The following ANKRD12 variants were observed in gnomAD, a reference collection of about 807,000 sequenced individuals.
The protein encoded by ANKRD12 is ankyrin repeat domain 12, also known as ankyrin repeat domain-containing protein 12.
A neutral mutation model predicts 183.4 loss-of-function variants in ANKRD12; 85 were observed. The ratio of observed to expected loss-of-function variants is 0.46; its 90% confidence interval spans 0.39 to 0.56. ANKRD12 has a LOEUF of 0.56. ANKRD12 is among the 20% of genes least tolerant of loss of function. The pLI is 0.00. For missense variants in ANKRD12, 2,405 were observed against 2,357.1 expected, an observed-to-expected ratio of 1.02 and a Z score of -0.42; for synonymous variants, 914 against 800.2, an observed-to-expected ratio of 1.14 and a Z score of -2.40.
At position 9,255,253 on chromosome 18, in the gene ANKRD12, A is replaced by G. The variant is rs2038534703; in HGVS notation, c.1986A>G (p.Lys662=). 2 of 1,570,020 alleles carry G rather than the reference A, an allele frequency of 1.3e-6. No homozygotes were observed. The highest frequency in any genetic ancestry group is 1.7e-6 in the Non-Finnish European group (2 of 1,167,100). The change falls in exon 9 of 13, where the codon AAA becomes AAG. Residue 662 remains lysine (K), a synonymous_variant. Transcript: ENST00000262126. ...AATTGAAGCATAAAGAGAGGGAAAAAGAAAAGCATAAAAAAGAAATTGAAG... is the reference window on the plus strand; with the variant it reads ...AATTGAAGCATAAAGAGAGGGAAAAGGAAAAGCATAAAAAAGAAATTGAAG... ...KHKLKHKERE[K]EKHKKEIEGE...
At chr18:9,206,994 A>G (rs899563590) in intron 4 of ANKRD12, among the ~76,000 whole-genome samples, 1 of 151,952 alleles carries the variant, frequency 6.6e-6, no homozygotes, top group Non-Finnish European at 1.5e-5. Context: ...CATCTTTTCT[A>G]TTTTCTATAA....
At chr18:9,207,229 A>G (rs2035538856) in intron 4 of ANKRD12, among the ~76,000 whole-genome samples, 1 of 152,118 alleles carries the variant, frequency 6.6e-6, no homozygotes, top group African/African-American at 2.4e-5. Flanking sequence ...ATGCAGCGTA[A>G]GTTAGGAAAA....
Position 9,238,844 on chromosome 18 carries a change from G to A in ANKRD12, c.944-15367G>A, listed in dbSNP as rs372627144. Among the ~76,000 whole-genome samples, 118 of 152,278 alleles carry A rather than the reference G, an allele frequency of 7.7e-4. 1 individual carries two copies. The highest frequency in any genetic ancestry group is 2.8e-3 in the African/African-American group (116 of 41,556). On this transcript the variant is annotated intron_variant, in intron 8 of 12. Coordinates refer to ENST00000262126, the MANE Select transcript of ANKRD12 (RefSeq NM_015208.5). ...AGAAAGAGAGTAATATTTTAAGGCT[G>A]GGTGCAGTGGCTCACGCCTGTAATC...
intron 1 of ANKRD12, among the ~76,000 whole-genome samples, chr18:9,146,285 TG>T (rs2078490603): frequency 6.6e-6 from 1 of 152,214 alleles, no homozygotes; most frequent in African/African-American, 2.4e-5. Context: ...AAACCAAGCC[TG>T]GCACAGTGGC....
chr18:9,265,131 C>T (rs1211069782), intron 10 of ANKRD12, among the ~76,000 whole-genome samples: 1 of 152,256 alleles, frequency 6.6e-6, no homozygotes, highest in East Asian at 1.9e-4. Context: ...GGCCAGGAAG[C>T]TCGAAGTGGG....
At position 9,257,432 on chromosome 18, in the gene ANKRD12, A is replaced by G. The variant is rs146120223; in HGVS notation, c.4165A>G (p.Ile1389Val). 9.3e-6 allele frequency: 15 copies of G among 1,613,994 alleles called. No individual in the cohort carries two copies. In the African/African-American group the frequency reaches 1.6e-4, roughly 17 times the overall value. The change falls in exon 9 of 13, where the codon ATC becomes GTC. Residue 1389 changes from isoleucine (I) to valine (V), a missense_variant. Coordinates refer to ENST00000262126, the MANE Select transcript of ANKRD12 (RefSeq NM_015208.5). ...GTATGTTTCAGCTGATAGAAATCTC[A>G]TCAAGAATACTGCCCCAGTGAACAC... is the stretch of plus-strand genomic sequence containing the variant. ...SKYVSADRNL[I>V]KNTAPVNTVM...
chr18:9,181,233 T>A (rs548232904), intron 1 of ANKRD12, among the ~76,000 whole-genome samples: 95 of 152,328 alleles, frequency 6.2e-4, no homozygotes, highest in African/African-American at 2.2e-3. Context: ...TATTTCCAGA[T>A]TAATATGGTT....
At chr18:9,171,676 G>C (rs2032741834) in intron 1 of ANKRD12, among the ~76,000 whole-genome samples, 1 of 152,026 alleles carries the variant, frequency 6.6e-6, no homozygotes, top group South Asian at 2.1e-4. Flanking sequence ...TTTCTCCTTT[G>C]CTTATTAAGC....
Position 9,255,587 on chromosome 18 carries a change from A to G in ANKRD12, c.2320A>G (p.Arg774Gly), listed in dbSNP as rs1487593395. The change falls in exon 9 of 13, where the codon AGA (arginine) becomes GGA (glycine). Residue 774 changes from arginine (R) to glycine (G), a missense_variant. By Grantham distance (125) the Arg-to-Gly change is moderately radical. Around this residue, in one of 7 missense-constraint regions of ANKRD12, gnomAD observed 1,983 missense variants for 1,725.9 expected, o/e 1.15. Coordinates refer to ENST00000262126, the MANE Select transcript of ANKRD12 (RefSeq NM_015208.5). ...EEKIKDLKEERENIPTDKDSE... is the reference protein window; with the variant it reads ...EEKIKDLKEEGENIPTDKDSE... ...AAAAATAAAAGATCTAAAAGAAGAG[A>G]GAGAAAACATACCCACAGATAAAGA... is the stretch of plus-strand genomic sequence containing the variant. 3 of 1,568,798 alleles carry G rather than the reference A, an allele frequency of 1.9e-6. No individual in the cohort carries two copies. Among genetic ancestry groups the G allele is most frequent in the Non-Finnish European group, 2.6e-6 (3 of 1,168,160 alleles).
At chr18:9,188,417 A>G (rs2034244919) in intron 2 of ANKRD12, among the ~76,000 whole-genome samples, 1 of 152,222 alleles carries the variant, frequency 6.6e-6, no homozygotes. Context: ...ATACCCATGA[A>G]AAGATAGTCC....
At chr18:9,181,059 C>T (rs191404051) in intron 1 of ANKRD12, among the ~76,000 whole-genome samples, 371 of 152,228 alleles carry the variant, frequency 2.4e-3, no homozygotes, top group Non-Finnish European at 4.5e-3. Context: ...ATTGTTTATA[C>T]GTTAATGAAA....
chr18:9,215,284 G>T (rs967375581), intron 6 of ANKRD12, among the ~76,000 whole-genome samples: 6 of 152,162 alleles, frequency 3.9e-5, no homozygotes, highest in African/African-American at 1.4e-4. Flanking sequence ...TGTAAATACA[G>T]TTGGGTTTAT....
At chr18:9,193,475 TC>T (rs1176094209) in intron 2 of ANKRD12, among the ~76,000 whole-genome samples, 33 of 152,096 alleles carry the variant, frequency 2.2e-4, no homozygotes, top group Admixed American at 2.2e-3. Context: ...TTTTTAATAT[TC>T]CCTCTCTAGT....
At chr18:9,268,360 C>G (rs1183299135) in intron 10 of ANKRD12, among the ~76,000 whole-genome samples, 2 of 152,128 alleles carry the variant, frequency 1.3e-5, no homozygotes, top group Non-Finnish European at 2.9e-5. Flanking sequence ...AACATCGATG[C>G]AAAAATCCTC....
chr18:9,156,285 ATAAT>A (rs1367217188), intron 1 of ANKRD12, among the ~76,000 whole-genome samples: 1 of 152,038 alleles, frequency 6.6e-6, no homozygotes, highest in Non-Finnish European at 1.5e-5. Context: ...TTACCTTGTC[ATAAT>A]TAATTCTGAA....
intron 1 of ANKRD12, among the ~76,000 whole-genome samples, chr18:9,166,368 T>C (rs1355347278): frequency 7.2e-5 from 11 of 152,120 alleles, no homozygotes; most frequent in Admixed American, 2.0e-4. Flanking sequence ...TTCTCCACAT[T>C]CTCTCCAGCA....
intron 1 of ANKRD12, among the ~76,000 whole-genome samples, chr18:9,163,834 G>T (rs1371110500): frequency 2.0e-5 from 3 of 152,028 alleles, no homozygotes; most frequent in African/African-American, 7.2e-5. Context: ...CTGCTTGCCT[G>T]TTGTTGCTGT....
At chr18:9,183,724 T>C (rs1173534939) in intron 2 of ANKRD12, among the ~76,000 whole-genome samples, 1 of 152,162 alleles carries the variant, frequency 6.6e-6, no homozygotes, top group Non-Finnish European at 1.5e-5. Context: ...CCTTTACTTC[T>C]CGCCCCCCTT....
rs754089025 is a variant in ANKRD12, at chr18:9,258,751, C to A, written c.5484C>A (p.Tyr1828Ter). 1.2e-6 allele frequency: 2 copies of A among 1,613,774 alleles called. No homozygotes were observed. Among genetic ancestry groups the A allele is most frequent in the Non-Finnish European group, 1.7e-6 (2 of 1,179,860 alleles). Residue 1828 changes from tyrosine (Y) to a stop codon, truncating the protein, a stop_gained, in exon 9 of 13, where the codon TAC (tyrosine) becomes TAA (stop). Transcript: ENST00000262126. LOFTEE classifies it high-confidence loss of function. ...DSLKLDEIQPYSSERANPYFE... is the reference protein window; with the variant it reads ...DSLKLDEIQP ...TAAAACTAGATGAGATTCAGCCATA[C>A]AGTTCAGAGAGAGCAAATCCATATT...
Sources: gnomAD v4.1 joint callset for allele counts (sites outside exome capture counted in the v4.1 genomes callset) on GRCh38, gnomAD v4.1.1 for gene constraint, gnomAD v4.1.1 regional missense constraint, MANE v1.5 for transcripts, NCBI Gene and HGNC (gene_info 2026-07-23, HGNC 2026-07-21) for gene names.